Variants in MAGI1 observed in about 807,000 individuals in gnomAD.
The protein encoded by MAGI1 is membrane associated guanylate kinase, WW and PDZ domain containing 1.
A neutral mutation model predicts 139.9 loss-of-function variants in MAGI1; 58 were observed. The observed-to-expected ratio is 0.41, with a 90% CI of 0.34 to 0.52. The LOEUF is 0.52. MAGI1 is among the 20% of genes least tolerant of loss of function. The pLI is 0.12. For synonymous variants in MAGI1, 812 were observed against 737.9 expected, an observed-to-expected ratio of 1.10 and a Z score of -1.63; for missense variants, 1,874 against 1,901.6, an observed-to-expected ratio of 0.99 and a Z score of 0.27.
intron 13 of MAGI1, among the ~76,000 whole-genome samples, chr3:65,396,073 G>A (rs909649996): frequency 1.3e-5 from 2 of 152,096 alleles, no homozygotes; most frequent in African/African-American, 4.8e-5. Flanking sequence ...ACTGAATGGA[G>A]GAGGCTTAGG....
chr3:66,035,985 C>G (rs2068895813), intron 1 of MAGI1, among the ~76,000 whole-genome samples: 1 of 152,170 alleles, frequency 6.6e-6, no homozygotes, highest in African/African-American at 2.4e-5. Flanking sequence ...AGCCCCTATT[C>G]AGGACCCGTT....
At chr3:65,779,088 CA>C (rs913498612) in intron 1 of MAGI1, among the ~76,000 whole-genome samples, 44 of 152,358 alleles carry the variant, frequency 2.9e-4, no homozygotes, top group African/African-American at 9.9e-4. Context: ...TAGCAACCCA[CA>C]AAATGAAAAT....
chr3:66,026,813 T>C (rs1015241502), intron 1 of MAGI1, among the ~76,000 whole-genome samples: 1 of 148,508 alleles, frequency 6.7e-6, no homozygotes, highest in Non-Finnish European at 1.5e-5. Flanking sequence ...GGGAAACCAT[T>C]TTTTATTTAT....
intron 18 of MAGI1, chr3:65,371,975 T>A (rs1942047528): frequency 2.5e-6 from 1 of 393,140 alleles, no homozygotes; most frequent in South Asian, 1.9e-5. Context: ...AAGTCATCCA[T>A]GAAGGTTGGA....
intron 1 of MAGI1, among the ~76,000 whole-genome samples, chr3:65,837,646 C>T (rs1185130032): frequency 1.3e-5 from 2 of 152,184 alleles, no homozygotes; most frequent in African/African-American, 2.4e-5. Flanking sequence ...ACACTAAATA[C>T]GAATGCAAAG....
At chr3:65,401,980 G>T in intron 12 of MAGI1, 1 of 808,206 alleles carries the variant, frequency 1.2e-6, no homozygotes, top group Non-Finnish European at 1.5e-6. Context: ...TTCGGAAGAG[G>T]AAATGCTTTC....
intron 1 of MAGI1, among the ~76,000 whole-genome samples, chr3:65,734,568 AGG>A (rs1316869611): frequency 5.7e-5 from 7 of 123,854 alleles, no homozygotes; most frequent in Middle Eastern, 7.2e-3. Flanking sequence ...AAAGAGAGAG[AGG>A]GAGAGAGAGA....
At position 66,021,024 on chromosome 3, in the gene MAGI1, A is replaced by G. The variant is rs2067932058; in HGVS notation, c.313+16972T>C. Among the ~76,000 whole-genome samples, 5 of 152,298 alleles carry G rather than the reference A, an allele frequency of 3.3e-5. No individual in the cohort carries two copies. In the South Asian group the frequency reaches 1.0e-3, roughly 32 times the overall value. Reference sequence around the variant, plus strand: ...TTTCAAAGTTAAGAAGCATCAACCCAACGTATCACTCCAACCGTGTCTTGG... The same window carrying G: ...TTTCAAAGTTAAGAAGCATCAACCCGACGTATCACTCCAACCGTGTCTTGG... On this transcript the variant is annotated intron_variant, in intron 1 of 22. Transcript: ENST00000402939.
At chr3:66,004,721 A>AAACC (rs2066923879) in intron 1 of MAGI1, among the ~76,000 whole-genome samples, 1 of 152,226 alleles carries the variant, frequency 6.6e-6, no homozygotes, top group African/African-American at 2.4e-5. Flanking sequence ...CATTGCAGAC[A>AAACC]AACCACTGAT....
At chr3:65,732,255 C>A (rs1446623121) in intron 1 of MAGI1, among the ~76,000 whole-genome samples, 2 of 152,184 alleles carry the variant, frequency 1.3e-5, no homozygotes, top group Admixed American at 1.3e-4. Context: ...GTAAAACACA[C>A]AGACAAGCCA....
intron 1 of MAGI1, among the ~76,000 whole-genome samples, chr3:65,936,220 C>T (rs1340264799): frequency 6.6e-6 from 1 of 152,114 alleles, no homozygotes; most frequent in African/African-American, 2.4e-5. Flanking sequence ...CAACAAACCT[C>T]CCAAGGCCCT....
intron 1 of MAGI1, among the ~76,000 whole-genome samples, chr3:65,647,797 G>T (rs1401621559): frequency 6.6e-6 from 1 of 152,096 alleles, no homozygotes; most frequent in South Asian, 2.1e-4. Context: ...ACAAATAGAG[G>T]TATCTTGCTG....
At chr3:65,970,426 T>C (rs78962414) in intron 1 of MAGI1, among the ~76,000 whole-genome samples, 1,680 of 151,932 alleles carry the variant, frequency 0.011, 32 homozygotes, top group African/African-American at 0.038. Flanking sequence ...TGGTGACGAC[T>C]GCACAACAAT....
intron 1 of MAGI1, among the ~76,000 whole-genome samples, chr3:65,717,276 G>A (rs1313104306): frequency 6.6e-6 from 1 of 152,178 alleles, no homozygotes; most frequent in Non-Finnish European, 1.5e-5. Flanking sequence ...GAACAGTTTT[G>A]TCCCTTAGGA....
At chr3:65,773,027 G>A (rs983808598) in intron 1 of MAGI1, among the ~76,000 whole-genome samples, 7 of 152,088 alleles carry the variant, frequency 4.6e-5, no homozygotes, top group Admixed American at 2.0e-4. Context: ...GATCTACCAC[G>A]GACCAGTTTC....
chr3:65,888,388 T>C (rs264712), intron 1 of MAGI1, among the ~76,000 whole-genome samples: 9,879 of 152,254 alleles, frequency 0.065, 1,044 homozygotes, highest in African/African-American at 0.22. Flanking sequence ...TTAGTATATG[T>C]CTAGCATTGG....
chr3:65,950,067 C>CAAAAAAAAACAAAA (rs2063733550), intron 1 of MAGI1, among the ~76,000 whole-genome samples: 8 of 76,708 alleles, frequency 1.0e-4, no homozygotes, highest in African/African-American at 2.3e-4. Flanking sequence ...AACAAAAAAA[C>CAAAAAAAAACAAAA]AAAAAAAAAA....
Position 65,972,292 on chromosome 3 carries a change from G to A in MAGI1, c.313+65704C>T, listed in dbSNP as rs75648213. Among the ~76,000 whole-genome samples the A allele has an allele frequency of 1.6e-3, 251 of 152,282 alleles. 3 individuals carry two copies. In the East Asian group the frequency reaches 0.028, roughly 17 times the overall value. ...GCTAATTCAAATTGTTAACTATTGC[G>A]AGAAAGGAGCAGAGAATATATTTTA... On this transcript the variant is annotated intron_variant, in intron 1 of 22. Transcript: ENST00000402939.
chr3:65,935,838 T>C (rs995859551), intron 1 of MAGI1, among the ~76,000 whole-genome samples: 4 of 152,024 alleles, frequency 2.6e-5, no homozygotes, highest in African/African-American at 7.2e-5. Context: ...AAATAAACCA[T>C]TGTGGAAAAG....
Sources: gnomAD v4.1 joint callset for allele counts (sites outside exome capture counted in the v4.1 genomes callset) on GRCh38, gnomAD v4.1.1 for gene constraint, MANE v1.5 for transcripts, NCBI Gene and HGNC (gene_info 2026-07-23, HGNC 2026-07-21) for gene names.